The following LGSN variants were observed in gnomAD, a reference collection of about 807,000 sequenced individuals.
LGSN encodes lengsin, lens protein with glutamine synthetase domain, also known as lengsin.
LGSN carries 21 observed loss-of-function variants against 19.5 expected under a neutral mutation model. The ratio of observed to expected loss-of-function variants is 1.07; its 90% CI spans 0.76 to 1.55. The LOEUF (loss-of-function observed/expected upper bound fraction) is 1.55, where lower values mean the gene tolerates loss of function less well. Ranked by LOEUF, LGSN falls within the 40% of genes most tolerant of loss-of-function variation. LGSN has a pLI of 0.00. For synonymous variants in LGSN, 257 were observed against 215.6 expected, an observed-to-expected ratio of 1.19 and a Z score of -1.68; for missense variants, 673 against 608.5, an observed-to-expected ratio of 1.11 and a Z score of -1.12.
chr6:63,278,084 A>G lies in LGSN; in HGVS notation c.*1937T>C, dbSNP rs1291200673. On this transcript the variant is annotated 3_prime_UTR_variant, in exon 4 of 4. Transcript: ENST00000370657. ...AAGCGAGACTCCATCTCGGAAAAAA[A>G]AAAAAAATACAAGAAAAGAAAAGAA... 1 of 152,074 alleles carries G rather than the reference A, an allele frequency of 6.6e-6. No individual in the cohort carries two copies. Among genetic ancestry groups the G allele is most frequent in the Non-Finnish European group, 1.5e-5 (1 of 68,042 alleles). The allele number at this position is 152,074 out of a possible 1,614,324, so 9.4% of individuals were successfully genotyped here. A position where few individuals can be genotyped will look rare whatever the true frequency, so the allele number is the denominator to read the frequency against.
At chr6:63,544,533 C>G in the LGSN span, among the ~76,000 whole-genome samples, 1 of 151,996 alleles carries the variant, frequency 6.6e-6, no homozygotes, top group Non-Finnish European at 1.5e-5. Context: ...ATCTAGTTGT[C>G]GAAGTAACAT....
chr6:63,502,458 GA>G, the LGSN span, among the ~76,000 whole-genome samples: 1 of 151,894 alleles, frequency 6.6e-6, no homozygotes, highest in African/African-American at 2.4e-5. Flanking sequence ...AATGAACAGG[GA>G]AAAAATGGTA....
At chr6:63,341,047 T>C in the LGSN span, among the ~76,000 whole-genome samples, 6 of 152,274 alleles carry the variant, frequency 3.9e-5, no homozygotes, top group Non-Finnish European at 8.8e-5. Context: ...TCTTCAACTG[T>C]AGTCAACATC....
At chr6:63,371,742 C>T in the LGSN span, among the ~76,000 whole-genome samples, 5 of 152,024 alleles carry the variant, frequency 3.3e-5, no homozygotes, top group African/African-American at 1.2e-4. Flanking sequence ...TTGTTATAAC[C>T]CAATACTAAT....
the LGSN span, among the ~76,000 whole-genome samples, chr6:63,529,081 C>G: frequency 6.9e-6 from 1 of 144,062 alleles, no homozygotes; most frequent in African/African-American, 2.7e-5. Context: ...AAGAGCGAAA[C>G]TCCATCTCAA....
intron 1 of LGSN, 86 bp downstream of exon 1, chr6:63,319,828 T>C (rs1769019173): frequency 1.1e-6 from 1 of 922,580 alleles, no homozygotes; most frequent in Admixed American, 1.8e-5. Context: ...GCCCTTATTC[T>C]TACTGGCATT....
intron 1 of LGSN, among the ~76,000 whole-genome samples, chr6:63,315,080 T>A (rs1443042516): frequency 6.6e-6 from 1 of 152,182 alleles, no homozygotes; most frequent in African/African-American, 2.4e-5. Context: ...AAGAAGAACA[T>A]GTCAAAGACT....
the LGSN span, among the ~76,000 whole-genome samples, chr6:63,551,350 G>T: frequency 6.6e-6 from 1 of 152,186 alleles, no homozygotes; most frequent in Non-Finnish European, 1.5e-5. Flanking sequence ...ACAGGCATGA[G>T]CCACTGCACC....
the LGSN span, among the ~76,000 whole-genome samples, chr6:63,535,301 C>T: frequency 5.9e-5 from 9 of 151,900 alleles, no homozygotes; most frequent in Non-Finnish European, 1.3e-4. Flanking sequence ...CCCGTTTCTA[C>T]TAAAAATACA....
chr6:63,294,776 G>T, intron 2 of LGSN, 137 bp downstream of exon 2: 4 of 781,516 alleles, frequency 5.1e-6, no homozygotes, highest in Admixed American at 2.6e-5. Flanking sequence ...CATCTTTTAT[G>T]ACACTTATGT....
the LGSN span, among the ~76,000 whole-genome samples, chr6:63,438,645 C>A: frequency 1.0e-3 from 152 of 152,230 alleles, no homozygotes; most frequent in African/African-American, 3.5e-3. Flanking sequence ...CAAATCAAAA[C>A]CACAATGAGA....
chr6:63,285,511 TAAG>T (rs1767489244), intron 3 of LGSN, 73 bp downstream of exon 3: 3 of 1,146,424 alleles, frequency 2.6e-6, no homozygotes, highest in Non-Finnish European at 2.5e-6. Flanking sequence ...TACAAGAAAA[TAAG>T]AAAGAGTAAT....
At chr6:63,306,482 C>A (rs1350504211) in intron 1 of LGSN, among the ~76,000 whole-genome samples, 1 of 152,188 alleles carries the variant, frequency 6.6e-6, no homozygotes, top group Non-Finnish European at 1.5e-5. Context: ...ACATCACCAC[C>A]AGTTTAACCT....
At chr6:63,438,965 C>A in the LGSN span, among the ~76,000 whole-genome samples, 1 of 152,114 alleles carries the variant, frequency 6.6e-6, no homozygotes, top group African/African-American at 2.4e-5. Context: ...AAATGTCCAA[C>A]AATGATAGAC....
At chr6:63,344,405 C>A in the LGSN span, among the ~76,000 whole-genome samples, 1 of 152,146 alleles carries the variant, frequency 6.6e-6, no homozygotes, top group Non-Finnish European at 1.5e-5. Context: ...TCTGAAGACA[C>A]AGTATTGTCA....
chr6:63,530,377 G>A, the LGSN span, among the ~76,000 whole-genome samples: 95 of 152,266 alleles, frequency 6.2e-4, no homozygotes, highest in African/African-American at 2.0e-3. Context: ...GGTACTGGAA[G>A]GCAGCCAGGA....
upstream of LGSN, among the ~76,000 whole-genome samples, chr6:63,321,826 T>C (rs1429711608): frequency 6.6e-6 from 1 of 152,208 alleles, no homozygotes; most frequent in Admixed American, 6.5e-5. Flanking sequence ...GTTCAATCTG[T>C]ACTATATCCA....
chr6:63,449,541 CAAAA>C, the LGSN span, among the ~76,000 whole-genome samples: 6 of 107,068 alleles, frequency 5.6e-5, no homozygotes, highest in Non-Finnish European at 7.7e-5. Flanking sequence ...GAGACTCCGT[CAAAA>C]AAAAAAAAAA....
chr6:63,497,734 T>C, the LGSN span, among the ~76,000 whole-genome samples: 1 of 119,282 alleles, frequency 8.4e-6, no homozygotes, highest in African/African-American at 4.2e-5. Flanking sequence ...CTGGGGAGAG[T>C]TGAATGACAA....
Sources: gnomAD v4.1 joint callset for allele counts (sites outside exome capture counted in the v4.1 genomes callset) on GRCh38, gnomAD v4.1.1 for gene constraint, MANE v1.5 for transcripts, NCBI Gene and HGNC (gene_info 2026-07-23, HGNC 2026-07-21) for gene names.